Variants in GLIPR1L1 observed in about 807,000 individuals in gnomAD.
GLIPR1L1 encodes GLIPR1-like protein 1.
GLIPR1L1 carries 26 observed loss-of-function variants against 29.9 expected under a neutral mutation model. The ratio of observed to expected loss-of-function variants is 0.87; its 90% CI spans 0.64 to 1.21. The LOEUF is 1.21. Ranked by LOEUF, GLIPR1L1 falls within the 50% of genes most tolerant of loss-of-function variation. The probability of loss-of-function intolerance (pLI) is 0.00; values close to 1 mark genes in which losing one functional copy is unlikely to be tolerated. For synonymous variants in GLIPR1L1, 77 were observed against 97.5 expected (o/e 0.79, Z 1.24); for missense variants, 305 against 290.3 (o/e 1.05, Z -0.37).
intron 3 of GLIPR1L1, among the ~76,000 whole-genome samples, chr12:75,357,250 CAAAGAATATTATCAGAGAT>C (rs1386895611): frequency 6.6e-6 from 1 of 151,906 alleles, no homozygotes; most frequent in African/African-American, 2.4e-5. Flanking sequence ...GATTTCAGAG[CAAAGAATATTATCAGAGAT>C]AAATTTCACT....
intron 4 of GLIPR1L1, chr12:75,364,824 A>G (rs1166508002): frequency 6.6e-6 from 1 of 152,178 alleles, no homozygotes; most frequent in East Asian, 1.9e-4. Flanking sequence ...AATTTTTAAT[A>G]TATAATTATC....
intron 5 of GLIPR1L1, 31 bp downstream of exon 5, chr12:75,370,017 A>C: frequency 8.3e-7 from 1 of 1,205,288 alleles, no homozygotes; most frequent in South Asian, 1.3e-5. Flanking sequence ...GTATTAATTA[A>C]ATTATTTCCT....
Position 75,363,160 on chromosome 12 carries a change from AAAG to A in GLIPR1L1, c.585_587del (p.Glu196del), listed in dbSNP as rs1478783691. 13 of 1,546,960 alleles carry A rather than the reference AAAG, an allele frequency of 8.4e-6. No homozygotes were observed. The highest frequency in any genetic ancestry group is 1.0e-5 in the Non-Finnish European group (12 of 1,153,206). On this transcript the variant is annotated inframe_deletion, in exon 4 of 6. Transcript: ENST00000378695. ...AGGAGAATCTTGCTCTCTCTGCTCA[AAAG>A]AAGAGAAATGTGTAAAGAACCTCTG...
chr12:75,365,190 G>T (rs2043883781), intron 4 of GLIPR1L1: 1 of 152,172 alleles, frequency 6.6e-6, no homozygotes, highest in African/African-American at 2.4e-5. Context: ...GGCTCAATGG[G>T]ATTCCAAATG....
intron 2 of GLIPR1L1, among the ~76,000 whole-genome samples, chr12:75,344,506 GTT>G (rs1361773375): frequency 6.6e-6 from 1 of 151,742 alleles, no homozygotes; most frequent in Non-Finnish European, 1.5e-5. Context: ...TACCTAATAT[GTT>G]TTCTCTTTCA....
intron 4 of GLIPR1L1, chr12:75,369,442 G>C (rs540412229): frequency 1.2e-6 from 1 of 828,046 alleles, no homozygotes; most frequent in Non-Finnish European, 1.5e-6. Context: ...CGTAGTAGAA[G>C]GTCAAAAAAA....
At chr12:75,367,607 T>C (rs1226362101) in intron 4 of GLIPR1L1, among the ~76,000 whole-genome samples, 2 of 152,140 alleles carry the variant, frequency 1.3e-5, no homozygotes, top group East Asian at 3.8e-4. Flanking sequence ...TTTTATTTGA[T>C]AATTGATTTT....
At chr12:75,369,521 G>T (rs1295967094) in intron 4 of GLIPR1L1, 2 of 979,338 alleles carry the variant, frequency 2.0e-6, no homozygotes, top group Non-Finnish European at 2.4e-6. Context: ...ATGGTAAACT[G>T]GGGAGGAAAG....
At chr12:75,338,822 G>C (rs1354329537) in intron 1 of GLIPR1L1, among the ~76,000 whole-genome samples, 1 of 135,948 alleles carries the variant, frequency 7.4e-6, no homozygotes, top group Non-Finnish European at 1.7e-5. Context: ...TCATTGTTCA[G>C]CTCCCACTTA....
chr12:75,364,397 A>G (rs1408492000), intron 4 of GLIPR1L1, among the ~76,000 whole-genome samples: 1 of 152,214 alleles, frequency 6.6e-6, no homozygotes, highest in Non-Finnish European at 1.5e-5. Context: ...TGGCCAGTAA[A>G]CATTTACTTT....
At chr12:75,340,117 T>A (rs1295368700) in intron 1 of GLIPR1L1, among the ~76,000 whole-genome samples, 2 of 150,968 alleles carry the variant, frequency 1.3e-5, no homozygotes, top group South Asian at 4.1e-4. Context: ...TTCCATTATA[T>A]GTATATATTT....
At chr12:75,346,395 C>CTT (rs963733264) in intron 2 of GLIPR1L1, among the ~76,000 whole-genome samples, 1 of 145,978 alleles carries the variant, frequency 6.9e-6, no homozygotes, top group Non-Finnish European at 1.5e-5. Context: ...AAGCAAAACT[C>CTT]TTTTTTTTTT....
At chr12:75,339,836 T>G (rs2041984287) in intron 1 of GLIPR1L1, among the ~76,000 whole-genome samples, 1 of 152,020 alleles carries the variant, frequency 6.6e-6, no homozygotes, top group Admixed American at 6.6e-5. Context: ...GGAAAAGTTA[T>G]TTACTGGTGA....
At chr12:75,355,703 A>G (rs1030300252) in intron 3 of GLIPR1L1, among the ~76,000 whole-genome samples, 1 of 152,240 alleles carries the variant, frequency 6.6e-6, no homozygotes, top group Non-Finnish European at 1.5e-5. Context: ...CACTATTTAT[A>G]ATAGCAAAGA....
intron 3 of GLIPR1L1, among the ~76,000 whole-genome samples, chr12:75,348,738 CA>C (rs1271676520): frequency 6.6e-6 from 1 of 152,144 alleles, no homozygotes; most frequent in Non-Finnish European, 1.5e-5. Flanking sequence ...AGTGTTATGT[CA>C]CCCCTGGCCA....
chr12:75,335,591 C>T (rs183742565), intron 1 of GLIPR1L1, among the ~76,000 whole-genome samples: 35 of 152,254 alleles, frequency 2.3e-4, no homozygotes, highest in Admixed American at 4.6e-4. Flanking sequence ...TAACTCATAT[C>T]TATTCCAGCT....
At chr12:75,343,133 T>C (rs992549110) in intron 1 of GLIPR1L1, among the ~76,000 whole-genome samples, 2 of 152,044 alleles carry the variant, frequency 1.3e-5, no homozygotes, top group South Asian at 4.1e-4. Context: ...TTACAACTCA[T>C]GTATTTTATT....
At chr12:75,367,122 TTAGAA>T (rs1165644452) in intron 4 of GLIPR1L1, 1 of 672,978 alleles carries the variant, frequency 1.5e-6, no homozygotes, top group Non-Finnish European at 2.7e-6. Context: ...AGAAGACACT[TTAGAA>T]TACACCTCCA....
At position 75,370,201 on chromosome 12, in the gene GLIPR1L1, C is replaced by T; in HGVS notation, c.*25C>T. ...ATGTCATTTATATACAAAAGAAATT[C>T]TCAAATGTTAAAATAAAGGAATAGT... On this transcript the variant is annotated 3_prime_UTR_variant, in exon 6 of 6. Transcript: ENST00000378695. 1 of 1,162,128 alleles carries T rather than the reference C, an allele frequency of 8.6e-7. No individual in the cohort carries two copies. The allele number at this position is 1,162,128 out of a possible 1,614,324, so 72.0% of individuals were successfully genotyped here. A position where few individuals can be genotyped will look rare whatever the true frequency, so the allele number is the denominator to read the frequency against.
Sources: gnomAD v4.1 joint callset for allele counts (sites outside exome capture counted in the v4.1 genomes callset) on GRCh38, gnomAD v4.1.1 for gene constraint, MANE v1.5 for transcripts, NCBI Gene and HGNC (gene_info 2026-07-23, HGNC 2026-07-21) for gene names.